Variants in LARP4B observed in about 807,000 individuals in gnomAD.
The protein encoded by LARP4B is la-related protein 4B.
Under a neutral mutation model 89.8 loss-of-function variants are expected in LARP4B, and 12 were observed. The observed-to-expected ratio is 0.13, with a 90% confidence interval of 0.09 to 0.22. LARP4B has a LOEUF of 0.22. Ranked by LOEUF, LARP4B falls within the 10% of genes least tolerant of loss-of-function variation. The probability of loss-of-function intolerance (pLI) is 1.00; values close to 1 mark genes in which losing one functional copy is unlikely to be tolerated. For synonymous variants in LARP4B, 367 were observed against 363.3 expected, an observed-to-expected ratio of 1.01 and a Z score of -0.12; for missense variants, 757 against 947.7, an observed-to-expected ratio of 0.80 and a Z score of 2.64.
chr10:869,738 G>A (rs1835098328), intron 3 of LARP4B, among the ~76,000 whole-genome samples: 1 of 151,718 alleles, frequency 6.6e-6, no homozygotes, highest in African/African-American at 2.4e-5. Flanking sequence ...ACAAAAATTA[G>A]CCAGGTGTAG....
At chr10:946,420 T>A in the LARP4B span, among the ~76,000 whole-genome samples, 1 of 152,222 alleles carries the variant, frequency 6.6e-6, no homozygotes, top group South Asian at 2.1e-4. Flanking sequence ...GGGATAATTG[T>A]GATTTTTAAA....
chr10:959,938 A>T, the LARP4B span, among the ~76,000 whole-genome samples: 1 of 150,090 alleles, frequency 6.7e-6, no homozygotes, highest in Non-Finnish European at 1.5e-5. Flanking sequence ...CCTCCTCGTC[A>T]ATCCCACCTC....
intron 1 of LARP4B, among the ~76,000 whole-genome samples, chr10:902,333 G>A (rs915410027): frequency 6.6e-6 from 1 of 152,204 alleles, no homozygotes; most frequent in Admixed American, 6.5e-5. Flanking sequence ...GCAGCAGTGC[G>A]AATCATGGCC....
intron 1 of LARP4B, among the ~76,000 whole-genome samples, chr10:893,848 A>C (rs1836111470): frequency 6.6e-6 from 1 of 152,190 alleles, no homozygotes; most frequent in Non-Finnish European, 1.5e-5. Flanking sequence ...AGTCGGCAGC[A>C]ATCATGAGAG....
At chr10:927,420 T>C (rs575489547) in intron 1 of LARP4B, among the ~76,000 whole-genome samples, 1 of 152,206 alleles carries the variant, frequency 6.6e-6, no homozygotes, top group Non-Finnish European at 1.5e-5. Context: ...AGTTGGAATT[T>C]ATCTCCCTTC....
chr10:926,078 G>C (rs1441208958), intron 1 of LARP4B, among the ~76,000 whole-genome samples: 1 of 152,208 alleles, frequency 6.6e-6, no homozygotes. Context: ...TGGAACACAG[G>C]TGGGAGATGT....
At chr10:957,439 T>C in the LARP4B span, among the ~76,000 whole-genome samples, 3 of 152,184 alleles carry the variant, frequency 2.0e-5, no homozygotes, top group Non-Finnish European at 4.4e-5. Context: ...GTGCTGGGAT[T>C]ACAGGGGTAA....
intron 6 of LARP4B, among the ~76,000 whole-genome samples, chr10:844,210 G>C (rs1301314111): frequency 6.6e-6 from 1 of 152,260 alleles, no homozygotes; most frequent in African/African-American, 2.4e-5. Flanking sequence ...ATGGATGTGA[G>C]TGGCAGAGAG....
chr10:974,459 T>C, the LARP4B span, among the ~76,000 whole-genome samples: 1 of 152,226 alleles, frequency 6.6e-6, no homozygotes, highest in Admixed American at 6.5e-5. Flanking sequence ...CCACGGCCTG[T>C]GTGCTCTCAG....
chr10:839,295 T>G (rs1833395913), intron 7 of LARP4B, among the ~76,000 whole-genome samples: 1 of 152,234 alleles, frequency 6.6e-6, no homozygotes, highest in African/African-American at 2.4e-5. Flanking sequence ...GTTTCATCAA[T>G]TATAACAAAT....
intron 5 of LARP4B, among the ~76,000 whole-genome samples, chr10:852,003 C>A (rs370031530): frequency 6.6e-6 from 1 of 152,214 alleles, no homozygotes; most frequent in East Asian, 1.9e-4. Context: ...GAGGTTGGGA[C>A]TGAGTGAGCC....
intron 1 of LARP4B, among the ~76,000 whole-genome samples, chr10:914,551 C>G (rs986370736): frequency 6.7e-6 from 1 of 150,190 alleles, no homozygotes; most frequent in African/African-American, 2.5e-5. Context: ...AATCCCAGCA[C>G]TTTGGGAGGC....
At chr10:895,440 T>C (rs1339192017) in intron 1 of LARP4B, among the ~76,000 whole-genome samples, 1 of 151,504 alleles carries the variant, frequency 6.6e-6, no homozygotes, top group East Asian at 1.9e-4. Context: ...GGCTCATGCC[T>C]GTAATCCCAA....
intron 11 of LARP4B, among the ~76,000 whole-genome samples, chr10:826,374 G>C (rs1200817947): frequency 6.6e-6 from 1 of 152,204 alleles, no homozygotes; most frequent in African/African-American, 2.4e-5. Context: ...CTGCAGATCA[G>C]GGTATTTTCA....
At chr10:925,542 C>A (rs1485875020) in intron 1 of LARP4B, among the ~76,000 whole-genome samples, 2 of 152,016 alleles carry the variant, frequency 1.3e-5, no homozygotes, top group African/African-American at 4.8e-5. Flanking sequence ...TATTTTATTT[C>A]ATTTTTTTTC....
At chr10:911,499 A>C (rs1177016815) in intron 1 of LARP4B, among the ~76,000 whole-genome samples, 1 of 152,158 alleles carries the variant, frequency 6.6e-6, no homozygotes. Flanking sequence ...GAAAATACAA[A>C]ACTTAATTTG....
At chr10:985,436 CAA>C in the LARP4B span, 1 of 152,162 alleles carries the variant, frequency 6.6e-6, no homozygotes, top group African/African-American at 2.4e-5. Flanking sequence ...AGTAAGTGAG[CAA>C]AGAGTGAAGA....
intron 11 of LARP4B, among the ~76,000 whole-genome samples, chr10:826,772 G>A (rs999546480): frequency 5.3e-5 from 8 of 152,222 alleles, no homozygotes; most frequent in African/African-American, 1.9e-4. Context: ...AAGTGACAGA[G>A]ATACGCATAG....
At chr10:915,519 T>C (rs1412927127) in intron 1 of LARP4B, among the ~76,000 whole-genome samples, 2 of 152,180 alleles carry the variant, frequency 1.3e-5, no homozygotes, top group Non-Finnish European at 2.9e-5. Context: ...GTTTTTGTTT[T>C]TTTGGCCGGG....
Sources: gnomAD v4.1 joint callset for allele counts (sites outside exome capture counted in the v4.1 genomes callset) on GRCh38, gnomAD v4.1.1 for gene constraint, MANE v1.5 for transcripts, NCBI Gene and HGNC (gene_info 2026-07-23, HGNC 2026-07-21) for gene names.